The following GABRG2 variants were observed in gnomAD, a reference collection of about 807,000 sequenced individuals.
GABRG2 encodes the protein gamma-aminobutyric acid receptor subunit gamma-2.
GABRG2 carries 16 observed loss-of-function variants against 56.4 expected under a neutral mutation model. The observed-to-expected ratio is 0.28, with a 90% CI of 0.19 to 0.43. The LOEUF (loss-of-function observed/expected upper bound fraction) is 0.43, where lower values mean the gene tolerates loss of function less well. Among genes scored for constraint, GABRG2 ranks in the 20% least tolerant of loss-of-function variants. The probability of loss-of-function intolerance (pLI) is 1.00; values close to 1 mark genes in which losing one functional copy is unlikely to be tolerated. For synonymous variants in GABRG2, 208 were observed against 205.5 expected (o/e 1.01, Z -0.10); for missense variants, 327 against 582.7 (o/e 0.56, Z 4.52).
chr5:162,117,402 G>T (rs893771503), intron 6 of GABRG2, among the ~76,000 whole-genome samples: 2 of 151,988 alleles, frequency 1.3e-5, no homozygotes, highest in Non-Finnish European at 2.9e-5. Context: ...ACAAAATAAT[G>T]TAAAGGTCAC....
intron 6 of GABRG2, among the ~76,000 whole-genome samples, chr5:162,110,063 T>C (rs1217323817): frequency 6.6e-6 from 1 of 152,186 alleles, no homozygotes; most frequent in Non-Finnish European, 1.5e-5. Flanking sequence ...TTTTCTGTTT[T>C]TGTTGTTTTT....
chr5:162,094,097 A>G, intron 2 of GABRG2, 118 bp downstream of exon 2: 1 of 1,181,440 alleles, frequency 8.5e-7, no homozygotes, highest in Middle Eastern at 2.0e-4. Context: ...ACTTTTTTAT[A>G]TGTTGTAAAA....
chr5:162,138,926 T>C (rs1764341483), intron 6 of GABRG2, among the ~76,000 whole-genome samples: 1 of 152,106 alleles, frequency 6.6e-6, no homozygotes, highest in Admixed American at 6.6e-5. Context: ...TAAGATGAGA[T>C]AGTTTCATGT....
At chr5:162,095,695 C>T in intron 3 of GABRG2, 133 bp downstream of exon 3, 1 of 662,862 alleles carries the variant, frequency 1.5e-6, no homozygotes, top group Non-Finnish European at 2.7e-6. Flanking sequence ...GATAGTCTTC[C>T]AGATCCTTTT....
intron 1 of GABRG2, among the ~76,000 whole-genome samples, chr5:162,084,598 C>G (rs1021930272): frequency 6.6e-6 from 1 of 151,774 alleles, no homozygotes; most frequent in African/African-American, 2.4e-5. Context: ...TTAAAGCCCT[C>G]CACTTAATAT....
At chr5:162,139,643 G>A (rs1764406650) in intron 6 of GABRG2, among the ~76,000 whole-genome samples, 1 of 152,136 alleles carries the variant, frequency 6.6e-6, no homozygotes, top group Admixed American at 6.5e-5. Context: ...CAAAATTAAA[G>A]TTCACCTTTA....
chr5:162,150,097 A>G (rs1451967557), intron 8 of GABRG2: 2 of 155,562 alleles, frequency 1.3e-5, no homozygotes, highest in Non-Finnish European at 2.9e-5. Context: ...CATTCTCGAA[A>G]TGTATCTTTT....
At chr5:162,091,238 A>T (rs938930418) in intron 1 of GABRG2, among the ~76,000 whole-genome samples, 7 of 151,954 alleles carry the variant, frequency 4.6e-5, no homozygotes, top group African/African-American at 1.7e-4. Flanking sequence ...TACATGTTTG[A>T]AGCTGGTGTT....
intron 1 of GABRG2, among the ~76,000 whole-genome samples, chr5:162,088,474 T>A (rs1760304526): frequency 6.6e-6 from 1 of 152,172 alleles, no homozygotes; most frequent in Non-Finnish European, 1.5e-5. Flanking sequence ...AATTGCAAGC[T>A]TTCCTTTTAT....
In GABRG2 at chr5:162,096,020, A is replaced by G. The variant is rs541777024; in HGVS notation, c.327+458A>G. Among the ~76,000 whole-genome samples, 315 of 152,166 alleles carry G rather than the reference A, an allele frequency of 2.1e-3. 3 individuals carry two copies. Among genetic ancestry groups the G allele is most frequent in the African/African-American group, 7.2e-3 (300 of 41,554 alleles). ...AAACTAGACTGGAGTCCAAAATATG[A>G]TATAATAGAGAATGTAAAATAGAGT... On this transcript the variant is annotated intron_variant, in intron 3 of 9. Coordinates refer to ENST00000639213, the MANE Select transcript of GABRG2 (RefSeq NM_198904.4).
At chr5:162,141,105 C>T (rs211016) in intron 6 of GABRG2, among the ~76,000 whole-genome samples, 7,297 of 152,086 alleles carry the variant, frequency 0.048, 270 homozygotes, top group East Asian at 0.15. Flanking sequence ...GGCGCCATCT[C>T]GGCTCACTGC....
intron 6 of GABRG2, 66 bp from the exon 7 acceptor site, chr5:162,142,098 G>A (rs2113597887): frequency 6.6e-7 from 1 of 1,518,922 alleles, no homozygotes; most frequent in Non-Finnish European, 9.1e-7. Context: ...TTAAATACAT[G>A]CTTAGTTTTA....
intron 1 of GABRG2, among the ~76,000 whole-genome samples, chr5:162,090,663 T>C (rs923234546): frequency 6.6e-6 from 1 of 152,186 alleles, no homozygotes; most frequent in Admixed American, 6.6e-5. Context: ...TATGGTTAGT[T>C]AATTGAAGGA....
chr5:162,116,110 A>ATGTGTGTG lies in GABRG2; in HGVS notation c.769+12114_769+12121dup, dbSNP rs34083256. ...ATTAAACACCAAGGGGTGTGCGTGC[A>ATGTGTGTG]TGTGTGTGTGTGTGTGTGTGTGTGT... On this transcript the variant is annotated intron_variant, in intron 6 of 9. Transcript: ENST00000639213. 4.6e-3 allele frequency among the ~76,000 whole-genome samples: 582 copies of ATGTGTGTG among 127,206 alleles called. 2 individuals are homozygous for ATGTGTGTG. Among genetic ancestry groups the ATGTGTGTG allele is most frequent in the African/African-American group, 0.013 (483 of 37,418 alleles). The allele number at this position is 127,206 out of a possible 152,430, so 83.5% of individuals were successfully genotyped here.
At chr5:162,148,900 C>G (rs1180868380) in intron 7 of GABRG2, among the ~76,000 whole-genome samples, 2 of 152,202 alleles carry the variant, frequency 1.3e-5, no homozygotes, top group Non-Finnish European at 2.9e-5. Flanking sequence ...CAGACCAAAT[C>G]TATTCATCAG....
At chr5:162,133,398 G>T (rs1202142147) in intron 6 of GABRG2, among the ~76,000 whole-genome samples, 1 of 152,036 alleles carries the variant, frequency 6.6e-6, no homozygotes, top group Non-Finnish European at 1.5e-5. Flanking sequence ...TATCATGATT[G>T]CATGTGCTTT....
chr5:162,135,009 T>C (rs1764018987), intron 6 of GABRG2, among the ~76,000 whole-genome samples: 1 of 152,178 alleles, frequency 6.6e-6, no homozygotes, highest in East Asian at 1.9e-4. Context: ...TATTTTGTTC[T>C]TCACGAACTT....
intron 1 of GABRG2, among the ~76,000 whole-genome samples, chr5:162,074,251 A>G (rs992320965): frequency 1.3e-5 from 2 of 152,018 alleles, no homozygotes; most frequent in Non-Finnish European, 2.9e-5. Context: ...ATAATTCTAT[A>G]TTATTATAAA....
intron 1 of GABRG2, among the ~76,000 whole-genome samples, chr5:162,092,936 A>G (rs1159814073): frequency 6.6e-6 from 1 of 152,120 alleles, no homozygotes; most frequent in Non-Finnish European, 1.5e-5. Flanking sequence ...TCTGGAAAAT[A>G]TCATCATCTT....
Sources: allele counts gnomAD v4.1 joint callset (sites outside exome capture counted in the v4.1 genomes callset), GRCh38; gene constraint gnomAD v4.1.1; transcripts MANE v1.5; gene names NCBI Gene and HGNC (gene_info 2026-07-23, HGNC 2026-07-21).